The following PLEKHG5 variants were observed in gnomAD, a reference collection of about 807,000 sequenced individuals.
PLEKHG5 encodes pleckstrin homology and RhoGEF domain containing G5, also known as pleckstrin homology domain-containing family G member 5.
Under a neutral mutation model 103.8 loss-of-function variants are expected in PLEKHG5, and 52 were observed. The ratio of observed to expected loss-of-function variants is 0.50; its 90% CI spans 0.40 to 0.63. PLEKHG5 has a LOEUF of 0.63. Ranked by LOEUF, PLEKHG5 falls within the 30% of genes least tolerant of loss-of-function variation. The pLI, the probability that PLEKHG5 is intolerant of heterozygous loss-of-function variation, is 0.00. For missense variants in PLEKHG5, 1,205 were observed against 1,347.6 expected, an observed-to-expected ratio of 0.89 and a Z score of 1.66; for synonymous variants, 592 against 575.5, an observed-to-expected ratio of 1.03 and a Z score of -0.41.
Position 6,486,312 on chromosome 1 carries a change from A to G in PLEKHG5, c.-88+5325T>C, listed in dbSNP as rs1645036911. On this transcript the variant is annotated intron_variant, in intron 1 of 20. Transcript: ENST00000377728. This position sits in a 1 kb window ranked among gnomAD's most constrained non-coding sequence, Gnocchi z 5.3. Reference sequence around the variant, plus strand: ...CCCAGGGACACCCCTCTCTGCTCCAACACCAGCTTTGAGCCCCAGTCACAC... The same window carrying G: ...CCCAGGGACACCCCTCTCTGCTCCAGCACCAGCTTTGAGCCCCAGTCACAC... Among the ~76,000 whole-genome samples the G allele has an allele frequency of 6.6e-6, 1 of 151,548 alleles. No individual in the cohort carries two copies. Among genetic ancestry groups the G allele is most frequent in the African/African-American group, 2.4e-5 (1 of 41,204 alleles).
At chr1:6,515,355 G>A (rs1638584680) in intron 1 of PLEKHG5, among the ~76,000 whole-genome samples, 1 of 151,716 alleles carries the variant, frequency 6.6e-6, no homozygotes, top group African/African-American at 2.4e-5. Flanking sequence ...GTGAAACCCC[G>A]TCTCTACTAC....
intron 9 of PLEKHG5, 68 bp downstream of exon 9, chr1:6,472,918 A>T: frequency 6.9e-7 from 1 of 1,459,262 alleles, no homozygotes; most frequent in Admixed American, 1.7e-5. Context: ...ACATCTGATC[A>T]CTGGGTCCTC....
chr1:6,485,979 C>T (rs1054551321), intron 1 of PLEKHG5: 6 of 812,560 alleles, frequency 7.4e-6, no homozygotes, highest in Middle Eastern at 6.4e-4. Context: ...CTGGTGACAC[C>T]CCCCCCCACC....
At chr1:6,484,978 G>A (rs1644991244) in intron 1 of PLEKHG5, among the ~76,000 whole-genome samples, 1 of 152,204 alleles carries the variant, frequency 6.6e-6, no homozygotes, top group Admixed American at 6.5e-5. Flanking sequence ...TCTGGGGTAG[G>A]AGGAGGCTGT....
At chr1:6,494,218 C>T (rs1389099896), upstream of PLEKHG5, among the ~76,000 whole-genome samples, 1 of 149,738 alleles carries the variant, frequency 6.7e-6, no homozygotes, top group Admixed American at 6.7e-5. Context: ...GCAACCTCTG[C>T]CTCCCAGGTT....
intron 2 of PLEKHG5, among the ~76,000 whole-genome samples, chr1:6,476,320 A>G (rs946029933): frequency 6.6e-6 from 1 of 152,166 alleles, no homozygotes; most frequent in Non-Finnish European, 1.5e-5. Context: ...CCTCTTGAGT[A>G]GCTGGGATTG....
At chr1:6,498,607 G>A (rs1042382990), upstream of PLEKHG5, among the ~76,000 whole-genome samples, 2 of 152,222 alleles carry the variant, frequency 1.3e-5, no homozygotes, top group Admixed American at 6.5e-5. Flanking sequence ...CCTTTGGGGG[G>A]CAGCACATCT....
At chr1:6,473,940 C>A in intron 7 of PLEKHG5, 73 bp downstream of exon 7, 2 of 1,436,650 alleles carry the variant, frequency 1.4e-6, no homozygotes, top group Non-Finnish European at 1.9e-6. Flanking sequence ...GGGTGACTGC[C>A]TCTGAGGAGG....
chr1:6,478,460 C>T (rs1014145644), intron 1 of PLEKHG5, among the ~76,000 whole-genome samples: 8 of 152,140 alleles, frequency 5.3e-5, no homozygotes, highest in East Asian at 1.9e-4. Context: ...TGAGCTGCCA[C>T]GCCCAGCCTT....
At chr1:6,497,552 C>A (rs912268179), upstream of PLEKHG5, 1 of 153,792 alleles carries the variant, frequency 6.5e-6, no homozygotes, top group Non-Finnish European at 1.4e-5. This position sits in a 1 kb window ranked among gnomAD's most constrained non-coding sequence, Gnocchi z 6.1. Context: ...CCCGGCTCCC[C>A]GGCCCCTGCG....
chr1:6,503,700 G>A (rs1569990761), intron 1 of PLEKHG5, among the ~76,000 whole-genome samples: 1 of 152,242 alleles, frequency 6.6e-6, no homozygotes, highest in East Asian at 1.9e-4. Context: ...ATAAGCCACC[G>A]TGCCCGGCCT....
At position 6,474,769 on chromosome 1, in the gene PLEKHG5, A is replaced by G. The variant is rs371132547; in HGVS notation, c.303-182T>C. 4 of 688,650 alleles carry G rather than the reference A, an allele frequency of 5.8e-6. No homozygotes were observed. In the African/African-American group the frequency reaches 7.0e-5, roughly 12 times the overall value. 42.7% of individuals were successfully genotyped at this position (688,650 alleles called of 1,614,324 possible). On this transcript the variant is annotated intron_variant, in intron 5 of 20. Transcript: ENST00000377728. ...CAGACACCTGCCCGCAGAGGTGCTC[A>G]CACAGGCGCATCTGCATACCACGGC...
chr1:6,498,903 G>A (rs542927403), upstream of PLEKHG5, among the ~76,000 whole-genome samples: 1 of 152,340 alleles, frequency 6.6e-6, no homozygotes, highest in African/African-American at 2.4e-5. Context: ...GGACTGTGGC[G>A]AGGTCCCTGC....
chr1:6,480,277 C>G (rs1557753880), intron 1 of PLEKHG5, among the ~76,000 whole-genome samples: 1 of 151,978 alleles, frequency 6.6e-6, no homozygotes, highest in Non-Finnish European at 1.5e-5. Flanking sequence ...GCCTGTAATC[C>G]TAGCACTTTG....
upstream of PLEKHG5, among the ~76,000 whole-genome samples, chr1:6,492,418 A>C (rs187114081): frequency 8.9e-4 from 135 of 152,234 alleles, no homozygotes; most frequent in African/African-American, 3.1e-3. Context: ...ACAGGAGGGC[A>C]GGGGGAACCC....
chr1:6,493,365 T>TA (rs534303135), upstream of PLEKHG5, among the ~76,000 whole-genome samples: 107 of 152,126 alleles, frequency 7.0e-4, no homozygotes, highest in Non-Finnish European at 1.4e-3. Context: ...GCTGGTCTGG[T>TA]AAATGAATAA....
At chr1:6,480,327 G>A (rs186660068) in intron 1 of PLEKHG5, among the ~76,000 whole-genome samples, 27 of 151,968 alleles carry the variant, frequency 1.8e-4, no homozygotes, top group African/African-American at 6.0e-4. Context: ...TCAGGAGTTC[G>A]ATAGCAGCCT....
chr1:6,506,914 AG>A (rs148944530), intron 1 of PLEKHG5, among the ~76,000 whole-genome samples: 3,823 of 152,302 alleles, frequency 0.025, 180 homozygotes, highest in African/African-American at 0.088. Flanking sequence ...GCAGGCATAG[AG>A]CCCTAGGCAG....
chr1:6,473,976 T>TGCCCCCCC, intron 7 of PLEKHG5, 37 bp downstream of exon 7: 2 of 1,265,560 alleles, frequency 1.6e-6, no homozygotes, highest in African/African-American at 1.5e-5. Flanking sequence ...CTGGGCCCCT[T>TGCCCCCCC]CCCACCCCCT....
Sources: gnomAD v4.1 joint callset for allele counts (sites outside exome capture counted in the v4.1 genomes callset) on GRCh38, gnomAD v4.1.1 for gene constraint, Gnocchi (gnomAD v3.1) non-coding constraint, MANE v1.5 for transcripts, NCBI Gene and HGNC (gene_info 2026-07-23, HGNC 2026-07-21) for gene names.